The following ARID3B variants were observed in gnomAD, a reference collection of about 807,000 sequenced individuals.
ARID3B encodes the protein AT-rich interaction domain 3B.
Under a neutral mutation model 51.9 loss-of-function variants are expected in ARID3B, and 10 were observed. The observed-to-expected ratio is 0.19, with a 90% CI of 0.12 to 0.33. ARID3B has a LOEUF of 0.33. Among genes scored for constraint, ARID3B ranks in the 10% least tolerant of loss-of-function variants. The pLI, the probability that ARID3B is intolerant of heterozygous loss-of-function variation, is 1.00. For synonymous variants in ARID3B, 205 were observed against 279.5 expected (o/e 0.73, Z 2.66); for missense variants, 483 against 716.3 (o/e 0.67, Z 3.72).
chr15:74,593,417 A>G (rs980974607), intron 8 of ARID3B, among the ~76,000 whole-genome samples, 181 bp downstream of exon 8: 1 of 152,238 alleles, frequency 6.6e-6, no homozygotes, highest in African/African-American at 2.4e-5. Context: ...GATTGTTAAC[A>G]GGATGATAGG....
Position 74,591,014 on chromosome 15 carries a change from C to T in ARID3B, c.882-137C>T. 2 of 1,359,898 alleles carry T rather than the reference C, an allele frequency of 1.5e-6. No individual in the cohort carries two copies. The highest frequency in any genetic ancestry group is 2.0e-6 in the Non-Finnish European group (2 of 1,006,612). 84.2% of individuals were successfully genotyped at this position (1,359,898 alleles called of 1,614,324 possible). A position where few individuals can be genotyped will look rare whatever the true frequency, so the allele number is the denominator to read the frequency against. On this transcript the variant is annotated intron_variant, in intron 5 of 8. Transcript: ENST00000346246. The surrounding 1 kb of genome is among the most constrained non-coding windows in gnomAD (Gnocchi z 5.8). ...TGTCCGGCCATCCCAGACTTTTCTG[C>T]CAAGTATACCAAGGTTGCAATCCTT...
chr15:74,595,854 C>T lies in ARID3B; in HGVS notation c.*80C>T, dbSNP rs1347812784. On this transcript the variant is annotated 3_prime_UTR_variant, in exon 9 of 9. Transcript: ENST00000346246. ...GATGCACAGAATTTACCTCATCTCACAGAGCCCACGTCGACGAGCACCATT... is the reference window on the plus strand; with the variant it reads ...GATGCACAGAATTTACCTCATCTCATAGAGCCCACGTCGACGAGCACCATT... 1.5e-5 allele frequency: 22 copies of T among 1,456,818 alleles called. No homozygotes were observed. In the Admixed American group the frequency reaches 4.7e-4, roughly 31 times the overall value. The allele number at this position is 1,456,818 out of a possible 1,614,324, so 90.2% of individuals were successfully genotyped here.
At chr15:74,550,418 C>T (rs1305914784) in intron 2 of ARID3B, among the ~76,000 whole-genome samples, 1 of 152,044 alleles carries the variant, frequency 6.6e-6, no homozygotes, top group Non-Finnish European at 1.5e-5. Flanking sequence ...TCCCGCCAGG[C>T]GCAGTGGCTC....
chr15:74,596,452 C>T lies in ARID3B; in HGVS notation c.*678C>T, dbSNP rs898573546. 6 of 233,430 alleles carry T rather than the reference C, an allele frequency of 2.6e-5. No homozygotes were observed. The highest frequency in any genetic ancestry group is 1.1e-4 in the African/African-American group (5 of 45,350). 14.5% of individuals were successfully genotyped at this position (233,430 alleles called of 1,614,324 possible). A position where few individuals can be genotyped will look rare whatever the true frequency, so the allele number is the denominator to read the frequency against. ...ATCTGCTGATGGGAAGGCAGAGCCT[C>T]GGGGCTGCCCAGCCCTGGCACCTGC... On this transcript the variant is annotated 3_prime_UTR_variant, in exon 9 of 9. Coordinates refer to ENST00000346246, the MANE Select transcript of ARID3B (RefSeq NM_006465.4).
At chr15:74,589,197 T>C (rs867437791) in intron 4 of ARID3B, among the ~76,000 whole-genome samples, 3 of 151,628 alleles carry the variant, frequency 2.0e-5, no homozygotes, top group Admixed American at 6.6e-5. Context: ...CAGGCTAATT[T>C]TTTTTGTATT....
In ARID3B at chr15:74,597,418, CACAA is replaced by C. The variant is rs1331977759; in HGVS notation, c.*1648_*1651del. 3.5e-5 allele frequency: 16 copies of C among 456,152 alleles called. No homozygotes were observed. Among genetic ancestry groups the C allele is most frequent in the African/African-American group, 1.2e-4 (6 of 50,754 alleles). 28.3% of individuals were successfully genotyped at this position (456,152 alleles called of 1,614,324 possible). A position where few individuals can be genotyped will look rare whatever the true frequency, so the allele number is the denominator to read the frequency against. On this transcript the variant is annotated 3_prime_UTR_variant, in exon 9 of 9. Transcript: ENST00000346246. Reference sequence around the variant, plus strand: ...GAGGAAAGGGAATCAAAAGCTTGAGCACAAACAGATACCTCAGCCCGGTAAGCTG... The same window carrying C: ...GAGGAAAGGGAATCAAAAGCTTGAGCACAGATACCTCAGCCCGGTAAGCTG...
intron 5 of ARID3B, 102 bp downstream of exon 5, chr15:74,590,105 G>A (rs995651727): frequency 2.3e-6 from 3 of 1,327,296 alleles, no homozygotes; most frequent in African/African-American, 1.5e-5. Context: ...TGGTTAGCAA[G>A]ATGAGTGGAT....
rs146742821 is a variant in ARID3B at position 74,591,674 on chromosome 15, G to A, written c.1280G>A (p.Arg427Gln). The change falls in exon 7 of 9, where the codon CGG (arginine) becomes CAG (glutamine). Residue 427 changes from arginine to glutamine, a missense_variant. By Grantham distance (43) the Arg-to-Gln change is conservative. Around this residue, in one of 3 missense-constraint regions of ARID3B, gnomAD observed 265 missense variants for 354.4 expected, o/e 0.75. Coordinates refer to ENST00000346246, the MANE Select transcript of ARID3B (RefSeq NM_006465.4). The surrounding 1 kb of genome is among the most constrained non-coding windows in gnomAD (Gnocchi z 5.8). ...GCCGCACTGGAGCAGCTGCGGGAGC[G>A]GCTGGAGTCAGGGGAGCCTGCTGAG... ...RTAALEQLRE[R>Q]LESGEPAEKK... 4.8e-5 allele frequency: 77 copies of A among 1,610,664 alleles called. No homozygotes were observed. The highest frequency in any genetic ancestry group is 4.5e-4 in the African/African-American group (34 of 74,970).
chr15:74,555,856 A>G (rs998161183), intron 2 of ARID3B, among the ~76,000 whole-genome samples: 131 of 144,812 alleles, frequency 9.0e-4, no homozygotes, highest in African/African-American at 2.5e-3. Flanking sequence ...CAGTGGCACA[A>G]TCTCCGCTCA....
intron 4 of ARID3B, among the ~76,000 whole-genome samples, chr15:74,579,444 C>A (rs1470536619): frequency 6.6e-6 from 1 of 152,156 alleles, no homozygotes; most frequent in African/African-American, 2.4e-5. Flanking sequence ...GCACATCCTC[C>A]CCACTCTGGT....
chr15:74,543,568 A>G (rs1167292618), intron 1 of ARID3B, among the ~76,000 whole-genome samples: 1 of 152,220 alleles, frequency 6.6e-6, no homozygotes, highest in East Asian at 1.9e-4. Flanking sequence ...AAGAGAGATC[A>G]GAACACGTTA....
At chr15:74,570,685 G>A (rs1338692997) in intron 2 of ARID3B, among the ~76,000 whole-genome samples, 1 of 152,110 alleles carries the variant, frequency 6.6e-6, no homozygotes, top group African/African-American at 2.4e-5. Flanking sequence ...TGACTTTCCA[G>A]CAGGAATTAC....
intron 2 of ARID3B, among the ~76,000 whole-genome samples, chr15:74,566,327 C>T (rs1008153564): frequency 3.9e-5 from 6 of 152,118 alleles, no homozygotes; most frequent in African/African-American, 1.4e-4. Context: ...AGGCCAGGCG[C>T]AGTGGCTCAC....
intron 4 of ARID3B, chr15:74,573,516 C>A: frequency 2.7e-6 from 1 of 371,780 alleles, no homozygotes; most frequent in Non-Finnish European, 5.0e-6. Flanking sequence ...TAAAGCTACC[C>A]TGGACTTCAC....
chr15:74,596,293 G>A lies in ARID3B; in HGVS notation c.*519G>A. 1 of 234,242 alleles carries A rather than the reference G, an allele frequency of 4.3e-6. No individual in the cohort carries two copies. The highest frequency in any genetic ancestry group is 8.4e-6 in the Non-Finnish European group (1 of 118,456). 14.5% of individuals were successfully genotyped at this position (234,242 alleles called of 1,614,324 possible). A position where few individuals can be genotyped will look rare whatever the true frequency, so the allele number is the denominator to read the frequency against. On this transcript the variant is annotated 3_prime_UTR_variant, in exon 9 of 9. Coordinates refer to ENST00000346246, the MANE Select transcript of ARID3B (RefSeq NM_006465.4). ...GGATGGGGCCCTTCCAGCCCACTTT[G>A]CCTACTGTTAGGTTCCTGGGGTACG...
intron 2 of ARID3B, among the ~76,000 whole-genome samples, chr15:74,549,277 G>A (rs1001335087): frequency 1.1e-3 from 166 of 152,028 alleles, no homozygotes; most frequent in African/African-American, 3.2e-3. Context: ...GGGTTTCACC[G>A]TGTTAGCCAG....
At chr15:74,561,479 CCTTAGGATAGAGT>C (rs1172940350) in intron 2 of ARID3B, among the ~76,000 whole-genome samples, 1 of 152,026 alleles carries the variant, frequency 6.6e-6, no homozygotes, top group Admixed American at 6.6e-5. Context: ...CTAGTTATTT[CCTTAGGATAGAGT>C]CATAGACCAG....
At chr15:74,573,013 C>T in intron 3 of ARID3B, 80 bp downstream of exon 3, 2 of 1,587,518 alleles carry the variant, frequency 1.3e-6, no homozygotes, top group Non-Finnish European at 1.7e-6. Context: ...GAAATAAGGA[C>T]CAAGGTAGCC....
chr15:74,570,705 C>T (rs1428558921), intron 2 of ARID3B, among the ~76,000 whole-genome samples: 2 of 152,128 alleles, frequency 1.3e-5, no homozygotes, highest in Non-Finnish European at 2.9e-5. Context: ...CTGGCTCAAA[C>T]AAAATCACTG....
Sources: gnomAD v4.1 joint callset for allele counts (sites outside exome capture counted in the v4.1 genomes callset) on GRCh38, gnomAD v4.1.1 for gene constraint, gnomAD v4.1.1 regional missense constraint, Gnocchi (gnomAD v3.1) non-coding constraint, MANE v1.5 for transcripts, NCBI Gene and HGNC (gene_info 2026-07-23, HGNC 2026-07-21) for gene names.